The following CCDC110 variants were observed in gnomAD, a reference collection of about 807,000 sequenced individuals.
CCDC110 encodes the protein coiled-coil domain-containing protein 110.
Under a neutral mutation model 77.1 loss-of-function variants are expected in CCDC110, and 70 were observed. That is an observed-to-expected ratio of 0.91 (90% CI 0.75 to 1.11). CCDC110 has a LOEUF of 1.11. Among genes scored for constraint, CCDC110 ranks in the 50% least tolerant of loss-of-function variants. The pLI is 0.00. For missense variants in CCDC110, 868 were observed against 942.9 expected (o/e 0.92, Z 1.04); for synonymous variants, 295 against 312.5 (o/e 0.94, Z 0.59).
chr4:185,451,366 T>C (rs2095629006), intron 6 of CCDC110, among the ~76,000 whole-genome samples: 1 of 152,234 alleles, frequency 6.6e-6, no homozygotes, highest in South Asian at 2.1e-4. Flanking sequence ...GCTACAGGAC[T>C]CTTCTTTTGG....
At position 185,471,673 on chromosome 4, in the gene CCDC110, C is replaced by A. The variant is rs2095668428; in HGVS notation, c.10+1G>T. The A allele has an allele frequency of 6.4e-7, 1 of 1,557,202 alleles. No individual in the cohort carries two copies. The highest frequency in any genetic ancestry group is 1.2e-5 in the South Asian group (1 of 83,274). On this transcript the variant is annotated splice_donor_variant, in intron 1 of 6. Transcript: ENST00000307588. LOFTEE classifies it high-confidence loss of function. The stretch of plus-strand genomic sequence containing the variant: ...GGAGCCCCGCCCCGTCCAACTCTTA[C>A]CCGGGCTCATCGCCGCGGCTCATCT...
chr4:185,460,113 T>C lies in CCDC110; in HGVS notation c.474A>G (p.Val158=), dbSNP rs1371750751. The stretch of plus-strand genomic sequence containing the variant: ...CGGAATGTATCTGGGATGGAACATT[T>C]ACACTTTGAGGGAGACTGTTCACAC... ...GDSVNSLPQS[V]NVPSQIHSED... is the part of the protein sequence containing the mutation. Residue 158 remains valine, a synonymous_variant, in exon 6 of 7, where the codon GTA becomes GTG. Coordinates refer to ENST00000307588, the MANE Select transcript of CCDC110 (RefSeq NM_152775.4). The C allele has an allele frequency of 1.2e-6, 2 of 1,613,742 alleles. No individual in the cohort carries two copies. Among genetic ancestry groups the C allele is most frequent in the South Asian group, 1.1e-5 (1 of 91,074 alleles).
At chr4:185,453,218 AAAAC>A (rs1282694691) in intron 6 of CCDC110, among the ~76,000 whole-genome samples, 2 of 152,098 alleles carry the variant, frequency 1.3e-5, no homozygotes, top group African/African-American at 4.8e-5. Context: ...CAAACAAACT[AAAAC>A]AAAACAAAAC....
intron 6 of CCDC110, chr4:185,452,397 GACATA>G: frequency 1.0e-6 from 1 of 984,558 alleles, no homozygotes; most frequent in African/African-American, 1.7e-5. Flanking sequence ...TGTGGATGTT[GACATA>G]ACATGGAAGA....
At chr4:185,461,580 C>T (rs528924148) in intron 4 of CCDC110, among the ~76,000 whole-genome samples, 3 of 152,194 alleles carry the variant, frequency 2.0e-5, no homozygotes, top group East Asian at 3.9e-4. Context: ...TGTTACATAC[C>T]CCCAATATCT....
In CCDC110 at chr4:185,445,279, G is replaced by T; in HGVS notation, c.*223C>A. On this transcript the variant is annotated 3_prime_UTR_variant, in exon 7 of 7. Coordinates refer to ENST00000307588, the MANE Select transcript of CCDC110 (RefSeq NM_152775.4). ...ACATCTCAGCTCCTTCCATGTACAG[G>T]TACCTGCCCTCCCTTGTAGAAGTTC... 1.3e-6 allele frequency: 1 copy of T among 749,164 alleles called. No individual in the cohort carries two copies. Among genetic ancestry groups the T allele is most frequent in the Non-Finnish European group, 2.1e-6 (1 of 471,730 alleles). The allele number at this position is 749,164 out of a possible 1,614,324, so 46.4% of individuals were successfully genotyped here.
chr4:185,451,300 G>A (rs2095628907), intron 6 of CCDC110, among the ~76,000 whole-genome samples: 1 of 152,128 alleles, frequency 6.6e-6, no homozygotes, highest in Non-Finnish European at 1.5e-5. Flanking sequence ...TGCTTTGCTA[G>A]AACTTGTCCT....
At chr4:185,455,039 C>T (rs2095634138) in intron 6 of CCDC110, among the ~76,000 whole-genome samples, 1 of 152,186 alleles carries the variant, frequency 6.6e-6, no homozygotes, top group Admixed American at 6.5e-5. Flanking sequence ...ATTCATCATT[C>T]ACTTAACAGA....
chr4:185,469,610 C>G (rs2153325517), intron 2 of CCDC110, among the ~76,000 whole-genome samples: 1 of 152,300 alleles, frequency 6.6e-6, no homozygotes, highest in East Asian at 1.9e-4. Flanking sequence ...TTCAGGGGGC[C>G]CCTTTGCCCC....
At chr4:185,450,055 A>T (rs1027559624) in intron 6 of CCDC110, among the ~76,000 whole-genome samples, 4 of 152,208 alleles carry the variant, frequency 2.6e-5, no homozygotes, top group African/African-American at 7.2e-5. Flanking sequence ...TAGCTATCCA[A>T]GTGTCATAGC....
chr4:185,446,485 C>T (rs1423653292), intron 6 of CCDC110, among the ~76,000 whole-genome samples: 1 of 152,116 alleles, frequency 6.6e-6, no homozygotes, highest in Non-Finnish European at 1.5e-5. Context: ...TATTCTCTCA[C>T]TCAACATCCA....
At chr4:185,470,847 C>T in intron 2 of CCDC110, 98 bp downstream of exon 2, 1 of 888,548 alleles carries the variant, frequency 1.1e-6, no homozygotes, top group Non-Finnish European at 1.9e-6. Context: ...TCCGTGTCAT[C>T]ACGGCCGTGG....
At position 185,445,518 on chromosome 4, in the gene CCDC110, G is replaced by A. The variant is rs1296503757; in HGVS notation, c.2486C>T (p.Thr829Ile). Residue 829 changes from threonine (T) to isoleucine (I), a missense_variant, in exon 7 of 7, where the codon ACT (threonine) becomes ATT (isoleucine). Transcript: ENST00000307588. ...LKGYFKVKDR[T>I]LKHH ...TGAGGAATCCTAATGATGCTTGAGA[G>A]TTCTGTCTTTAACTTTGAAATAACC... 4 of 1,577,890 alleles carry A rather than the reference G, an allele frequency of 2.5e-6. No individual in the cohort carries two copies. The East Asian group carries it at 6.7e-5, about 27-fold the overall frequency.
At chr4:185,449,957 G>T in intron 6 of CCDC110, 1 of 207,922 alleles carries the variant, frequency 4.8e-6, no homozygotes, top group Non-Finnish European at 9.5e-6. Context: ...AGCGTTGGAG[G>T]GGAGGAGCGG....
At chr4:185,445,980 T>A (rs1240960146) in intron 6 of CCDC110, among the ~76,000 whole-genome samples, 41 of 152,170 alleles carry the variant, frequency 2.7e-4, no homozygotes, top group Admixed American at 2.7e-3. Context: ...TAGCTGGGAT[T>A]ACAGGCATGC....
At chr4:185,455,327 A>G (rs892722460) in intron 6 of CCDC110, among the ~76,000 whole-genome samples, 15 of 152,138 alleles carry the variant, frequency 9.9e-5, no homozygotes, top group Non-Finnish European at 2.1e-4. Context: ...GATTTTCAGG[A>G]TTTAGTAATC....
At chr4:185,471,595 G>C in intron 1 of CCDC110, 79 bp downstream of exon 1, 2 of 1,470,560 alleles carry the variant, frequency 1.4e-6, no homozygotes, top group South Asian at 2.5e-5. Flanking sequence ...TTTCGAGCGG[G>C]GAGCCGCCTG....
At chr4:185,469,525 C>T (rs1032292026) in intron 2 of CCDC110, among the ~76,000 whole-genome samples, 5 of 152,244 alleles carry the variant, frequency 3.3e-5, no homozygotes, top group South Asian at 2.1e-4. Context: ...TTCTTCTGAC[C>T]TTACATGCTC....
chr4:185,461,760 G>A (rs551294711), intron 4 of CCDC110, among the ~76,000 whole-genome samples: 5 of 152,238 alleles, frequency 3.3e-5, no homozygotes, highest in Admixed American at 1.3e-4. Flanking sequence ...TGACCCAGTC[G>A]GGATCCATCT....
Sources: gnomAD v4.1 joint callset for allele counts (sites outside exome capture counted in the v4.1 genomes callset) on GRCh38, gnomAD v4.1.1 for gene constraint, MANE v1.5 for transcripts, NCBI Gene and HGNC (gene_info 2026-07-23, HGNC 2026-07-21) for gene names.